The following SLC38A1 variants were observed in gnomAD, a reference collection of about 807,000 sequenced individuals.
SLC38A1 encodes the protein sodium-coupled neutral amino acid symporter 1.
In SLC38A1, 18 loss-of-function variants were observed where a neutral mutation model predicts 60.3. The observed-to-expected ratio is 0.30, with a 90% confidence interval of 0.21 to 0.44. The LOEUF (loss-of-function observed/expected upper bound fraction) is 0.44. SLC38A1 is among the 20% of genes least tolerant of loss of function. The pLI is 1.00. For synonymous variants in SLC38A1, 196 were observed against 212.1 expected (o/e 0.92, Z 0.66); for missense variants, 448 against 587.2 (o/e 0.76, Z 2.45).
At chr12:46,223,307 A>G (rs1940731750) in intron 5 of SLC38A1, among the ~76,000 whole-genome samples, 1 of 152,214 alleles carries the variant, frequency 6.6e-6, no homozygotes, top group Non-Finnish European at 1.5e-5. Flanking sequence ...AAGATAGTGT[A>G]GCATATATAG....
chr12:46,201,000 T>G (rs1384314713), intron 13 of SLC38A1, 98 bp downstream of exon 13: 1 of 858,756 alleles, frequency 1.2e-6, no homozygotes, highest in African/African-American at 1.7e-5. Flanking sequence ...ATAGCTTTGT[T>G]GCTTTCTTTG....
Position 46,197,979 on chromosome 12 carries a change from C to G in SLC38A1, c.1204G>C (p.Val402Leu), listed in dbSNP as rs1312165336. 2 of 1,613,876 alleles carry G rather than the reference C, an allele frequency of 1.2e-6. No individual in the cohort carries two copies. The highest frequency in any genetic ancestry group is 3.3e-5 in the Admixed American group (2 of 59,996). The change falls in exon 15 of 17, where the codon GTT becomes CTT. Residue 402 changes from valine to leucine, a missense_variant. Coordinates refer to ENST00000398637, the MANE Select transcript of SLC38A1 (RefSeq NM_030674.4). ...RHTVVTCILL[V>L]VINLLVIFIP... ...AAGATCACCAACAAGTTGATAACAA[C>G]CAAGAGTATGCAGGTAACCACGGTA...
chr12:46,190,087 G>A (rs1013741545), intron 16 of SLC38A1, among the ~76,000 whole-genome samples: 3 of 151,908 alleles, frequency 2.0e-5, no homozygotes, highest in Admixed American at 2.0e-4. Flanking sequence ...TCCCTCCCCG[G>A]GCCCCCCACC....
chr12:46,244,379 G>A (rs1339539826), intron 1 of SLC38A1, among the ~76,000 whole-genome samples: 1 of 152,172 alleles, frequency 6.6e-6, no homozygotes, highest in African/African-American at 2.4e-5. Context: ...CTCAATATTT[G>A]TTCCCACCTC....
At chr12:46,200,552 C>G (rs994525528) in intron 13 of SLC38A1, among the ~76,000 whole-genome samples, 6 of 152,118 alleles carry the variant, frequency 3.9e-5, no homozygotes, top group African/African-American at 1.4e-4. Context: ...ACTGTTCATT[C>G]AGGGTCAGTA....
At chr12:46,192,231 A>G (rs1365398568) in intron 16 of SLC38A1, among the ~76,000 whole-genome samples, 2 of 152,244 alleles carry the variant, frequency 1.3e-5, no homozygotes, top group Non-Finnish European at 2.9e-5. Flanking sequence ...GTGATGGATT[A>G]CATTTATTGA....
In SLC38A1 at chr12:46,207,188, A is replaced by G. The variant is rs1172652192; in HGVS notation, c.530T>C (p.Ile177Thr). ...FIVKNELPSA[I>T]KFLMGKEETF... ...CTCTTCCTTTCCCATTAGAAACTTT[A>G]TGGCAGAGGGTAGTTCATTTTTTAC... Residue 177 changes from isoleucine (I) to threonine (T), a missense_variant, in exon 8 of 17, where the codon ATA (isoleucine) becomes ACA (threonine). Physicochemically the swap from Ile to Thr is moderately conservative, Grantham distance 89. Around this residue, in one of 2 missense-constraint regions of SLC38A1, gnomAD observed 346 missense variants for 497.5 expected, o/e 0.70. Transcript: ENST00000398637. The G allele has an allele frequency of 1.2e-6, 2 of 1,613,018 alleles. No homozygotes were observed. The highest frequency in any genetic ancestry group is 1.7e-5 in the Admixed American group (1 of 59,916).
At chr12:46,209,709 G>T (rs947768114) in intron 5 of SLC38A1, among the ~76,000 whole-genome samples, 3 of 152,098 alleles carry the variant, frequency 2.0e-5, no homozygotes, top group African/African-American at 4.8e-5. Context: ...CCTCTTAGAT[G>T]AATAAGCACC....
intron 5 of SLC38A1, among the ~76,000 whole-genome samples, chr12:46,217,625 A>G (rs1479003341): frequency 6.6e-6 from 1 of 152,226 alleles, no homozygotes; most frequent in Non-Finnish European, 1.5e-5. Flanking sequence ...CTGTTTGATT[A>G]AGGAGCTCAC....
Position 46,201,018 on chromosome 12 carries a change from T to C in SLC38A1, c.1003+80A>G, listed in dbSNP as rs971974677. The C allele has an allele frequency of 2.3e-5, 24 of 1,031,902 alleles. No homozygotes were observed. In the East Asian group the frequency reaches 5.2e-4, roughly 22 times the overall value. The allele number at this position is 1,031,902 out of a possible 1,614,324, so 63.9% of individuals were successfully genotyped here. A position where few individuals can be genotyped will look rare whatever the true frequency, so the allele number is the denominator to read the frequency against. ...GCTTTGTTGCTTTCTTTGCCTTTCA[T>C]GTTAAAAGTTATTTCAACACTAATT... On this transcript the variant is annotated intron_variant, in intron 13 of 16. Transcript: ENST00000398637.
intron 9 of SLC38A1, 32 bp from the exon 10 acceptor site, chr12:46,204,622 A>C: frequency 6.5e-7 from 1 of 1,534,980 alleles, no homozygotes; most frequent in Non-Finnish European, 8.8e-7. Context: ...AAATTATTTC[A>C]TTTTTTTCCA....
rs112080732 is a variant in SLC38A1, at chr12:46,199,172, A to G, written c.1004-429T>C. On this transcript the variant is annotated intron_variant, in intron 13 of 16. Coordinates refer to ENST00000398637, the MANE Select transcript of SLC38A1 (RefSeq NM_030674.4). ...CAAGCCACCTTGGAGCTTGTTTCAA[A>G]CTCTTCTCTTGTTAAGTCAACTTCA... 3.2e-3 allele frequency among the ~76,000 whole-genome samples: 487 copies of G among 151,992 alleles called. 5 individuals carry two copies. The highest frequency in any genetic ancestry group is 0.01 in the African/African-American group (428 of 41,442).
chr12:46,226,891 A>G (rs1388273102), intron 5 of SLC38A1, among the ~76,000 whole-genome samples: 1 of 152,166 alleles, frequency 6.6e-6, no homozygotes, highest in Non-Finnish European at 1.5e-5. Context: ...AAGTGCTGGG[A>G]TTATAGGCAT....
intron 6 of SLC38A1, among the ~76,000 whole-genome samples, chr12:46,207,903 C>T (rs145866052): frequency 1.3e-5 from 2 of 152,272 alleles, no homozygotes; most frequent in South Asian, 2.1e-4. Flanking sequence ...TTTTAACTAC[C>T]TCTATCTTAC....
At chr12:46,242,667 T>C (rs1179040042) in intron 2 of SLC38A1, among the ~76,000 whole-genome samples, 1 of 152,110 alleles carries the variant, frequency 6.6e-6, no homozygotes, top group Admixed American at 6.5e-5. Flanking sequence ...GCTGGGTGTG[T>C]AGCACGTGCC....
Position 46,229,232 on chromosome 12 carries a change from T to G in SLC38A1, c.235A>C (p.Asn79His). The G allele has an allele frequency of 6.2e-7, 1 of 1,613,572 alleles. No individual in the cohort carries two copies. Among genetic ancestry groups the G allele is most frequent in the Non-Finnish European group, 8.5e-7 (1 of 1,179,684 alleles). ...GTTSLGMSVF[N>H]LSNAIMGSGI... ...CTGCCCATAATGGCGTTGCTTAGGTTAAAAACAGACATGCCTAAGGAGGTT... is the reference window on the plus strand; with the variant it reads ...CTGCCCATAATGGCGTTGCTTAGGTGAAAAACAGACATGCCTAAGGAGGTT... The change falls in exon 5 of 17, where the codon AAC becomes CAC. Residue 79 changes from asparagine to histidine, a missense_variant. Physicochemically the swap from Asn to His is moderately conservative, Grantham distance 68. Coordinates refer to ENST00000398637, the MANE Select transcript of SLC38A1 (RefSeq NM_030674.4).
Position 46,207,582 on chromosome 12 carries a change from C to T in SLC38A1, c.428G>A (p.Gly143Asp). ...AAAGATTACGAACTTCCCTGTGGTG[C>T]CAAAGACTTGTTCCCCCAGCTTTTC... is the stretch of plus-strand genomic sequence containing the variant. ...VYEKLGEQVF[G>D]TTGKFVIFGA... Residue 143 changes from glycine to aspartate, a missense_variant, in exon 7 of 17, where the codon GGC (glycine) becomes GAC (aspartate). Coordinates refer to ENST00000398637, the MANE Select transcript of SLC38A1 (RefSeq NM_030674.4). 1.2e-6 allele frequency: 2 copies of T among 1,613,976 alleles called. No homozygotes were observed. Among genetic ancestry groups the T allele is most frequent in the Non-Finnish European group, 1.7e-6 (2 of 1,179,870 alleles).
intron 5 of SLC38A1, among the ~76,000 whole-genome samples, chr12:46,220,902 C>A (rs1565771613): frequency 1.3e-5 from 2 of 152,114 alleles, no homozygotes; most frequent in Non-Finnish European, 1.5e-5. Context: ...TAATAATGAT[C>A]AAATTCCCAT....
rs17096738 is a variant in SLC38A1 at position 46,185,858 on chromosome 12, C to T, written c.*3112G>A. On this transcript the variant is annotated 3_prime_UTR_variant, in exon 17 of 17. Coordinates refer to ENST00000398637, the MANE Select transcript of SLC38A1 (RefSeq NM_030674.4). ...TTTTTACTGGACACCATGTTTCAGG[C>T]CAATCTGGTCACCTGTAGTCTGGTG... The T allele has an allele frequency of 0.23, 35,347 of 152,066 alleles. 4,628 individuals carry two copies. The highest frequency in any genetic ancestry group is 0.32 in the Middle Eastern group (95 of 296). The allele number at this position is 152,066 out of a possible 1,614,324, so 9.4% of individuals were successfully genotyped here. A position where few individuals can be genotyped will look rare whatever the true frequency, so the allele number is the denominator to read the frequency against.
Sources: allele counts gnomAD v4.1 joint callset (sites outside exome capture counted in the v4.1 genomes callset), GRCh38; gene constraint gnomAD v4.1.1; regional missense constraint gnomAD v4.1.1; transcripts MANE v1.5; gene names NCBI Gene and HGNC (gene_info 2026-07-23, HGNC 2026-07-21).